Variants in ZNF385B observed in about 807,000 individuals in gnomAD.
The protein encoded by ZNF385B is zinc finger protein 533.
A neutral mutation model predicts 39.2 loss-of-function variants in ZNF385B; 23 were observed. That is an observed-to-expected ratio of 0.59 (90% CI 0.42 to 0.83). The LOEUF is 0.83. Among genes scored for constraint, ZNF385B ranks in the 40% least tolerant of loss-of-function variants. The pLI is 0.00. For synonymous variants in ZNF385B, 205 were observed against 222.6 expected (o/e 0.92, Z 0.70); for missense variants, 552 against 598.9 (o/e 0.92, Z 0.82).
intron 1 of ZNF385B, among the ~76,000 whole-genome samples, chr2:179,836,210 T>C (rs1319129162): frequency 6.6e-5 from 10 of 152,214 alleles, no homozygotes; most frequent in Admixed American, 6.5e-4. Context: ...AATTATCATG[T>C]TTATGCATTT....
intron 3 of ZNF385B, among the ~76,000 whole-genome samples, chr2:179,760,845 C>T (rs1381264919): frequency 6.6e-6 from 1 of 152,074 alleles, no homozygotes; most frequent in Non-Finnish European, 1.5e-5. Flanking sequence ...TCTAGGGCAG[C>T]CACCAGAAGT....
chr2:179,653,264 T>C (rs899077966), intron 3 of ZNF385B, among the ~76,000 whole-genome samples: 1 of 152,206 alleles, frequency 6.6e-6, no homozygotes, highest in Middle Eastern at 3.4e-3. Context: ...CAGGAGCCAA[T>C]AGATCTCCCT....
At chr2:179,584,724 C>T (rs1232909308) in intron 3 of ZNF385B, among the ~76,000 whole-genome samples, 1 of 152,020 alleles carries the variant, frequency 6.6e-6, no homozygotes, top group Non-Finnish European at 1.5e-5. Context: ...ATTTGAGTTG[C>T]CTGAGGGACA....
chr2:179,758,229 C>T (rs1464401589), intron 3 of ZNF385B, among the ~76,000 whole-genome samples: 2 of 152,146 alleles, frequency 1.3e-5, no homozygotes, highest in Non-Finnish European at 2.9e-5. Context: ...TAACAGAATA[C>T]CACAGACTGA....
chr2:179,684,922 T>C (rs1453214299), intron 3 of ZNF385B, among the ~76,000 whole-genome samples: 1 of 152,252 alleles, frequency 6.6e-6, no homozygotes, highest in African/African-American at 2.4e-5. Flanking sequence ...ATAACATCTT[T>C]TAAGATAATT....
intron 3 of ZNF385B, among the ~76,000 whole-genome samples, chr2:179,749,617 C>T (rs1381343187): frequency 1.3e-5 from 2 of 152,054 alleles, no homozygotes; most frequent in Non-Finnish European, 2.9e-5. Context: ...ATACATTCAT[C>T]CCCCCAGTGG....
chr2:179,803,004 C>T (rs1575519215), intron 1 of ZNF385B, among the ~76,000 whole-genome samples: 1 of 152,072 alleles, frequency 6.6e-6, no homozygotes, highest in African/African-American at 2.4e-5. Flanking sequence ...CGTGCTTTAA[C>T]AGTAAATTAA....
chr2:179,681,305 A>G (rs1697491931), intron 3 of ZNF385B, among the ~76,000 whole-genome samples: 1 of 152,180 alleles, frequency 6.6e-6, no homozygotes, highest in African/African-American at 2.4e-5. Context: ...AATTTCAGTT[A>G]CAGGTAGGAT....
intron 3 of ZNF385B, among the ~76,000 whole-genome samples, chr2:179,720,426 A>G (rs1182234700): frequency 8.5e-6 from 1 of 117,632 alleles, no homozygotes; most frequent in Non-Finnish European, 1.8e-5. Context: ...GGGAGGGGAA[A>G]GGAAAGGAGA....
Position 179,625,696 on chromosome 2 carries a change from T to A in ZNF385B, c.299-80727A>T, listed in dbSNP as rs1220050060. Among the ~76,000 whole-genome samples, 3 of 152,132 alleles carry A rather than the reference T, an allele frequency of 2.0e-5. No homozygotes were observed. In the East Asian group the frequency reaches 5.8e-4, roughly 29 times the overall value. On this transcript the variant is annotated intron_variant, in intron 3 of 9. Coordinates refer to ENST00000410066, the MANE Select transcript of ZNF385B (RefSeq NM_152520.6). The stretch of plus-strand genomic sequence containing the variant: ...GACCTCAAAAGTCTTGAAATGTAAT[T>A]GAGATAATAGGGCTGGTACAAGGAA...
chr2:179,843,788 A>C (rs772573087), intron 1 of ZNF385B, among the ~76,000 whole-genome samples: 1 of 152,184 alleles, frequency 6.6e-6, no homozygotes, highest in Non-Finnish European at 1.5e-5. Flanking sequence ...TACCTTCAAC[A>C]TACAGGCAGG....
intron 5 of ZNF385B, among the ~76,000 whole-genome samples, chr2:179,517,353 T>C (rs745875372): frequency 9.9e-5 from 15 of 151,888 alleles, no homozygotes; most frequent in Non-Finnish European, 2.1e-4. Flanking sequence ...ATCTTAACAA[T>C]ATTAAGACTT....
intron 1 of ZNF385B, among the ~76,000 whole-genome samples, chr2:179,776,334 C>T (rs769584557): frequency 2.0e-5 from 3 of 152,102 alleles, no homozygotes; most frequent in Admixed American, 6.6e-5. Flanking sequence ...AGGATCTAGA[C>T]ATGTGAATCT....
At chr2:179,535,853 A>C (rs1171062183) in intron 4 of ZNF385B, among the ~76,000 whole-genome samples, 1 of 152,244 alleles carries the variant, frequency 6.6e-6, no homozygotes, top group Non-Finnish European at 1.5e-5. Context: ...CAACTATAAA[A>C]GTAAAGGAAC....
chr2:179,504,848 C>T (rs2057109212), intron 5 of ZNF385B, among the ~76,000 whole-genome samples: 1 of 151,548 alleles, frequency 6.6e-6, no homozygotes, highest in Non-Finnish European at 1.5e-5. Context: ...GGAGAACTCA[C>T]TCAGTATCAT....
At chr2:179,791,635 C>A (rs574732783) in intron 1 of ZNF385B, among the ~76,000 whole-genome samples, 1 of 152,240 alleles carries the variant, frequency 6.6e-6, no homozygotes, top group East Asian at 1.9e-4. Context: ...TATTTTAATG[C>A]AGTATTTTTA....
chr2:179,807,953 A>G (rs1575528673), intron 1 of ZNF385B, among the ~76,000 whole-genome samples: 1 of 145,494 alleles, frequency 6.9e-6, no homozygotes, highest in Non-Finnish European at 1.5e-5. Flanking sequence ...AAGGAAGGAA[A>G]GAATACAGCA....
At chr2:179,751,658 C>T (rs1039292716) in intron 3 of ZNF385B, among the ~76,000 whole-genome samples, 14 of 151,922 alleles carry the variant, frequency 9.2e-5, no homozygotes, top group Admixed American at 2.0e-4. Flanking sequence ...TTAAGGGAGA[C>T]GGGGAAAACA....
intron 5 of ZNF385B, among the ~76,000 whole-genome samples, chr2:179,505,415 A>C (rs2105749962): frequency 6.6e-6 from 1 of 152,252 alleles, no homozygotes; most frequent in South Asian, 2.1e-4. Flanking sequence ...CTACTCCTTT[A>C]GTGAATCTAG....
Sources: allele counts gnomAD v4.1 joint callset (sites outside exome capture counted in the v4.1 genomes callset), GRCh38; gene constraint gnomAD v4.1.1; transcripts MANE v1.5; gene names NCBI Gene and HGNC (gene_info 2026-07-23, HGNC 2026-07-21).